The following CROT variants were observed in gnomAD, a reference collection of about 807,000 sequenced individuals.
CROT encodes the protein peroxisomal carnitine O-octanoyltransferase.
A neutral mutation model predicts 89.2 loss-of-function variants in CROT; 84 were observed. The observed-to-expected ratio is 0.94, with a 90% CI of 0.79 to 1.13. The LOEUF (loss-of-function observed/expected upper bound fraction) is 1.13. Ranked by LOEUF, CROT falls within the 50% of genes most tolerant of loss-of-function variation. The pLI, the probability that CROT is intolerant of heterozygous loss-of-function variation, is 0.00. For missense variants in CROT, 711 were observed against 727.8 expected, an observed-to-expected ratio of 0.98 and a Z score of 0.27; for synonymous variants, 212 against 239.5, an observed-to-expected ratio of 0.89 and a Z score of 1.06.
At chr7:87,398,065 C>T (rs1807599836) in intron 17 of CROT, among the ~76,000 whole-genome samples, 1 of 150,702 alleles carries the variant, frequency 6.6e-6, no homozygotes, top group African/African-American at 2.4e-5. Flanking sequence ...CTTTTTGACT[C>T]CTAGAAATAG....
chr7:87,355,610 G>A (rs988788076), intron 3 of CROT, among the ~76,000 whole-genome samples: 2 of 152,150 alleles, frequency 1.3e-5, no homozygotes, highest in African/African-American at 2.4e-5. Context: ...AGAAAAAAAT[G>A]ACAGGTGTAA....
intron 13 of CROT, among the ~76,000 whole-genome samples, chr7:87,385,102 G>A (rs1584645077): frequency 6.7e-6 from 1 of 149,548 alleles, no homozygotes; most frequent in Non-Finnish European, 1.5e-5. Flanking sequence ...TAGTTTGGCG[G>A]TATATTTTGA....
chr7:87,361,079 C>G (rs974457842), intron 4 of CROT, among the ~76,000 whole-genome samples: 3 of 152,118 alleles, frequency 2.0e-5, no homozygotes, highest in African/African-American at 7.2e-5. Context: ...GGTGGTCCTC[C>G]TGCCTCAGCC....
At chr7:87,381,652 C>T (rs1807009228) in intron 10 of CROT, among the ~76,000 whole-genome samples, 3 of 152,152 alleles carry the variant, frequency 2.0e-5, no homozygotes, top group African/African-American at 4.8e-5. Context: ...TTATTTTATA[C>T]ACCCTCATGA....
At chr7:87,395,554 T>A (rs749927205) in intron 17 of CROT, among the ~76,000 whole-genome samples, 1 of 152,342 alleles carries the variant, frequency 6.6e-6, no homozygotes, top group Non-Finnish European at 1.5e-5. Flanking sequence ...TGATCAGGAC[T>A]GCCTTTGTCT....
At position 87,369,406 on chromosome 7, in the gene CROT, T is replaced by C. The variant is rs1248734278; in HGVS notation, c.578T>C (p.Val193Ala). 1.2e-6 allele frequency: 2 copies of C among 1,612,882 alleles called. No homozygotes were observed. Among genetic ancestry groups the C allele is most frequent in the African/African-American group, 1.3e-5 (1 of 74,898 alleles). ...GAAGGGCGTTCCCCAAACCACATTGTAGTGCTGTGTCGAGGCCGAGCTTTT... is the reference window on the plus strand; with the variant it reads ...GAAGGGCGTTCCCCAAACCACATTGCAGTGCTGTGTCGAGGCCGAGCTTTT... ...ESEGRSPNHI[V>A]VLCRGRAFVF... The change falls in exon 7 of 18, where the codon GTA becomes GCA. Residue 193 changes from valine (V) to alanine (A), a missense_variant. Val to Ala is a moderately conservative substitution (Grantham distance 64). Transcript: ENST00000331536.
Position 87,382,147 on chromosome 7 carries a change from A to G in CROT, c.1136A>G (p.Asp379Gly). Residue 379 changes from aspartate (D) to glycine (G), a missense_variant, in exon 12 of 18, where the codon GAC becomes GGC. By Grantham distance (94) the Asp-to-Gly change is moderately conservative. Coordinates refer to ENST00000331536, the MANE Select transcript of CROT (RefSeq NM_021151.4). ...IFIVDEKVLN[D>G]INQAKAQYLR... is the part of the protein sequence containing the mutation. ...ATTGTGGATGAGAAAGTTTTAAATG[A>G]CATCAACCAAGCTAAAGCCCAGTAT... 6.2e-7 allele frequency: 1 copy of G among 1,613,270 alleles called. No homozygotes were observed. Among genetic ancestry groups the G allele is most frequent in the South Asian group, 1.1e-5 (1 of 91,042 alleles).
intron 17 of CROT, among the ~76,000 whole-genome samples, chr7:87,394,576 T>C (rs1205597765): frequency 6.6e-6 from 1 of 151,524 alleles, no homozygotes; most frequent in Non-Finnish European, 1.5e-5. Flanking sequence ...AGGAAATTTG[T>C]GAAGCTATTG....
intron 6 of CROT, among the ~76,000 whole-genome samples, chr7:87,362,532 G>A (rs1278630249): frequency 1.3e-5 from 2 of 152,098 alleles, no homozygotes; most frequent in Non-Finnish European, 1.5e-5. Flanking sequence ...CTGGGCTCAA[G>A]CAGTCTGTCC....
intron 7 of CROT, among the ~76,000 whole-genome samples, chr7:87,373,764 ATAAG>A (rs1806716933): frequency 6.6e-6 from 1 of 152,102 alleles, no homozygotes; most frequent in African/African-American, 2.4e-5. Flanking sequence ...GGAGAAACTT[ATAAG>A]AGGAGCTTGG....
intron 14 of CROT, 91 bp downstream of exon 14, chr7:87,391,803 T>C: frequency 7.8e-7 from 1 of 1,276,610 alleles, no homozygotes; most frequent in African/African-American, 1.6e-5. Context: ...TTTGCTTCAG[T>C]TTTCCTGGAT....
rs758298849 is a variant in CROT at position 87,382,164 on chromosome 7, G to C, written c.1153G>C (p.Ala385Pro). Residue 385 changes from alanine to proline, a missense_variant, in exon 12 of 18, where the codon GCC (alanine) becomes CCC (proline). Transcript: ENST00000331536. ...TTTAAATGACATCAACCAAGCTAAA[G>C]CCCAGTATCTCAGGGAGGTATATTT... ...KVLNDINQAKAQYLREASDLQ... is the reference protein window; with the variant it reads ...KVLNDINQAKPQYLREASDLQ... 10 of 1,610,662 alleles carry C rather than the reference G, an allele frequency of 6.2e-6. No homozygotes were observed. The East Asian group carries it at 2.0e-4, about 32-fold the overall frequency.
chr7:87,388,751 G>A (rs1393323196), intron 13 of CROT, among the ~76,000 whole-genome samples: 3 of 152,106 alleles, frequency 2.0e-5, no homozygotes, highest in African/African-American at 7.2e-5. Context: ...AAAATCAATG[G>A]CAACAAAAGC....
chr7:87,367,303 G>A (rs1806479979), intron 6 of CROT, among the ~76,000 whole-genome samples: 1 of 152,164 alleles, frequency 6.6e-6, no homozygotes, highest in African/African-American at 2.4e-5. Context: ...TTTGAAGATG[G>A]AAGAAGGGGT....
chr7:87,371,290 AAT>A, intron 7 of CROT, among the ~76,000 whole-genome samples: 1 of 152,194 alleles, frequency 6.6e-6, no homozygotes, highest in East Asian at 1.9e-4. Context: ...ACATTTAAAA[AAT>A]AGTGTTATTT....
chr7:87,395,518 G>A (rs1180761393), intron 17 of CROT, among the ~76,000 whole-genome samples: 1 of 152,178 alleles, frequency 6.6e-6, no homozygotes, highest in African/African-American at 2.4e-5. Flanking sequence ...CAACACTACT[G>A]TTTTGTGCAA....
chr7:87,349,037 C>A lies in CROT; in HGVS notation c.-21-11C>A. On this transcript the variant is annotated splice_polypyrimidine_tract_variant and intron_variant, in intron 2 of 17. Transcript: ENST00000331536. ...GATTGAAGTTGTGAGGGCTCTCTCT[C>A]TTTTCTTTAGGTTTCCTATTGTGAT... The A allele has an allele frequency of 7.9e-7, 1 of 1,272,246 alleles. No individual in the cohort carries two copies. Among genetic ancestry groups the A allele is most frequent in the South Asian group, 1.3e-5 (1 of 76,886 alleles). 78.8% of individuals were successfully genotyped at this position (1,272,246 alleles called of 1,614,324 possible).
chr7:87,393,974 A>T (rs533609237), intron 17 of CROT, among the ~76,000 whole-genome samples: 4 of 152,214 alleles, frequency 2.6e-5, no homozygotes, highest in Non-Finnish European at 5.9e-5. Context: ...CATAAAATAT[A>T]TACAGATACT....
At chr7:87,347,590 AATT>A (rs1420284275) in intron 2 of CROT, among the ~76,000 whole-genome samples, 1 of 152,244 alleles carries the variant, frequency 6.6e-6, no homozygotes, top group Non-Finnish European at 1.5e-5. Context: ...ACTTTGAGTT[AATT>A]ATTATTTCTC....
Sources: allele counts gnomAD v4.1 joint callset (sites outside exome capture counted in the v4.1 genomes callset), GRCh38; gene constraint gnomAD v4.1.1; transcripts MANE v1.5; gene names NCBI Gene and HGNC (gene_info 2026-07-23, HGNC 2026-07-21).